Variants in TOP3A observed in about 807,000 individuals in gnomAD.
The protein encoded by TOP3A is DNA topoisomerase 3-alpha.
In TOP3A, 64 loss-of-function variants were observed where a neutral mutation model predicts 111.3. The observed-to-expected ratio is 0.57, with a 90% CI of 0.47 to 0.71. The LOEUF is 0.71. Ranked by LOEUF, TOP3A falls within the 30% of genes least tolerant of loss-of-function variation. The pLI, the probability that TOP3A is intolerant of heterozygous loss-of-function variation, is 0.00. For synonymous variants in TOP3A, 484 were observed against 485.1 expected (o/e 1.00, Z 0.03); for missense variants, 1,104 against 1,285.0 (o/e 0.86, Z 2.15).
chr17:18,301,631 T>C (rs903315928), intron 8 of TOP3A, among the ~76,000 whole-genome samples: 1 of 152,256 alleles, frequency 6.6e-6, no homozygotes, highest in Non-Finnish European at 1.5e-5. Flanking sequence ...GGTGATAGTA[T>C]ATGCCCCAAG....
chr17:18,291,688 G>A (rs968453619), intron 11 of TOP3A, among the ~76,000 whole-genome samples: 1 of 151,890 alleles, frequency 6.6e-6, no homozygotes, highest in Non-Finnish European at 1.5e-5. Flanking sequence ...ATAAACTTTT[G>A]TATTTCTTAA....
chr17:18,297,991 C>T (rs1458508491), intron 9 of TOP3A, among the ~76,000 whole-genome samples: 250 of 151,394 alleles, frequency 1.7e-3, no homozygotes, highest in African/African-American at 5.9e-3. Context: ...CGCCTCTTCC[C>T]GGCCGCCATC....
At chr17:18,295,339 GGT>G (rs1980728111) in intron 9 of TOP3A, among the ~76,000 whole-genome samples, 1 of 152,084 alleles carries the variant, frequency 6.6e-6, no homozygotes, top group Non-Finnish European at 1.5e-5. Context: ...GTAGAGATGG[GGT>G]TTTGCCATGC....
chr17:18,276,881 CT>C (rs1192591898), intron 18 of TOP3A, among the ~76,000 whole-genome samples: 1 of 152,164 alleles, frequency 6.6e-6, no homozygotes, highest in Admixed American at 6.5e-5. Flanking sequence ...GGGTTGGCAT[CT>C]TCATCTGAAG....
intron 10 of TOP3A, 133 bp downstream of exon 10, chr17:18,294,570 T>G: frequency 1.6e-6 from 1 of 640,976 alleles, no homozygotes; most frequent in Non-Finnish European, 2.8e-6. Flanking sequence ...CCTCGTGATC[T>G]GCCCGCCTCA....
intron 1 of TOP3A, among the ~76,000 whole-genome samples, chr17:18,310,497 T>C (rs1164679458): frequency 3.3e-5 from 5 of 152,106 alleles, no homozygotes; most frequent in Non-Finnish European, 7.4e-5. Context: ...TTCAAGATTA[T>C]GTTAAGTGAA....
intron 15 of TOP3A, among the ~76,000 whole-genome samples, chr17:18,283,766 C>T (rs1373547431): frequency 6.6e-6 from 1 of 152,188 alleles, no homozygotes; most frequent in East Asian, 1.9e-4. Flanking sequence ...ACTGGGGTTC[C>T]TCAGACCCCC....
At chr17:18,280,002 G>C (rs893474577) in intron 17 of TOP3A, among the ~76,000 whole-genome samples, 1 of 151,982 alleles carries the variant, frequency 6.6e-6, no homozygotes, top group Non-Finnish European at 1.5e-5. Flanking sequence ...AATACAAAAA[G>C]TGGTCAGGCA....
chr17:18,285,197 G>T lies in TOP3A; in HGVS notation c.1822C>A (p.Gln608Lys). The T allele has an allele frequency of 6.2e-7, 1 of 1,614,196 alleles. No individual in the cohort carries two copies. The change falls in exon 15 of 19, where the codon CAG becomes AAG. Residue 608 changes from glutamine to lysine, a missense_variant. Gln to Lys is a moderately conservative substitution (Grantham distance 53). Coordinates refer to ENST00000321105, the MANE Select transcript of TOP3A (RefSeq NM_004618.5). ...GKKDKFVVLR[Q>K]QVQKYKQVFI... ...ACCTGCTTGTATTTCTGCACTTGCTGCCTTAGAACCACAAATTTGTCCTTT... is the reference window on the plus strand; with the variant it reads ...ACCTGCTTGTATTTCTGCACTTGCTTCCTTAGAACCACAAATTTGTCCTTT...
intron 9 of TOP3A, among the ~76,000 whole-genome samples, chr17:18,297,622 G>A (rs1269261180): frequency 1.3e-5 from 2 of 152,138 alleles, no homozygotes; most frequent in African/African-American, 4.8e-5. Flanking sequence ...ACGGGGTTTC[G>A]CTGTGTTGGC....
At chr17:18,304,747 C>A in intron 5 of TOP3A, among the ~76,000 whole-genome samples, 1 of 151,892 alleles carries the variant, frequency 6.6e-6, no homozygotes, top group East Asian at 2.0e-4. Flanking sequence ...CAATATATAA[C>A]AACAACAACA....
chr17:18,297,968 AG>A (rs1208143340), intron 9 of TOP3A, among the ~76,000 whole-genome samples: 1 of 134,902 alleles, frequency 7.4e-6, no homozygotes, highest in African/African-American at 2.9e-5. Context: ...CATCCCATCT[AG>A]GAAGTGAGGA....
chr17:18,304,810 T>C (rs1205725836), intron 5 of TOP3A, among the ~76,000 whole-genome samples: 2 of 152,058 alleles, frequency 1.3e-5, no homozygotes, highest in Non-Finnish European at 2.9e-5. Flanking sequence ...TATCTGCTTG[T>C]ATGCTTGTAC....
intron 10 of TOP3A, among the ~76,000 whole-genome samples, chr17:18,293,134 G>A (rs953480306): frequency 2.0e-5 from 3 of 152,218 alleles, no homozygotes; most frequent in African/African-American, 7.2e-5. Context: ...GCTTGTCACT[G>A]GCCACTCTGA....
rs750295318 is a variant in TOP3A at position 18,278,316 on chromosome 17, A to G, written c.2186T>C (p.Met729Thr). The G allele has an allele frequency of 1.8e-5, 28 of 1,518,494 alleles. No individual in the cohort carries two copies. In the South Asian group the frequency reaches 3.6e-4, roughly 19 times the overall value. 94.1% of individuals were successfully genotyped at this position (1,518,494 alleles called of 1,614,324 possible). ...KFKRGSLPPT[M>T]PLEFVCCIGG... ...GATGCAGCAAACAAACTCCAGAGGC[A>G]TGGTCGGGGGAAGGCTACCGCGCTT... The change falls in exon 18 of 19, where the codon ATG becomes ACG. Residue 729 changes from methionine (M) to threonine (T), a missense_variant. Met to Thr is a moderately conservative substitution (Grantham distance 81, BLOSUM62 -1). Transcript: ENST00000321105.
intron 14 of TOP3A, 35 bp from the exon 15 acceptor site, chr17:18,285,342 C>A: frequency 6.2e-7 from 1 of 1,613,154 alleles, no homozygotes; most frequent in Non-Finnish European, 8.5e-7. Context: ...TGAGGGCCCA[C>A]CTGAGACCCT....
intron 13 of TOP3A, among the ~76,000 whole-genome samples, chr17:18,287,521 G>A (rs1478620672): frequency 1.3e-5 from 2 of 151,124 alleles, no homozygotes; most frequent in Non-Finnish European, 3.0e-5. Flanking sequence ...GTAAGACTCT[G>A]TCTCAAACAA....
chr17:18,275,002 G>C (rs1222018659), intron 18 of TOP3A, 22 bp from the exon 19 acceptor site: 1 of 1,610,580 alleles, frequency 6.2e-7, no homozygotes, highest in South Asian at 1.1e-5. Flanking sequence ...GTCAGGGGAG[G>C]GGTGAGGTTA....
At chr17:18,300,685 A>G (rs1392399302) in intron 8 of TOP3A, among the ~76,000 whole-genome samples, 1 of 152,092 alleles carries the variant, frequency 6.6e-6, no homozygotes, top group East Asian at 1.9e-4. Context: ...CCTCCCAAGT[A>G]GATGGAACTA....
Sources: allele counts gnomAD v4.1 joint callset (sites outside exome capture counted in the v4.1 genomes callset), GRCh38; gene constraint gnomAD v4.1.1; transcripts MANE v1.5; gene names NCBI Gene and HGNC (gene_info 2026-07-23, HGNC 2026-07-21).